Variants in TPTE2 observed in about 807,000 individuals in gnomAD.
TPTE2 encodes phosphatidylinositol 3,4,5-trisphosphate 3-phosphatase TPTE2.
Under a neutral mutation model 78.6 loss-of-function variants are expected in TPTE2, and 53 were observed. The observed-to-expected ratio is 0.67, with a 90% CI of 0.54 to 0.85. The LOEUF (loss-of-function observed/expected upper bound fraction) is 0.85, where lower values mean the gene tolerates loss of function less well. Ranked by LOEUF, TPTE2 falls within the 40% of genes least tolerant of loss-of-function variation. The probability of loss-of-function intolerance (pLI) is 0.00; values close to 1 mark genes in which losing one functional copy is unlikely to be tolerated. For missense variants in TPTE2, 461 were observed against 623.0 expected (o/e 0.74, Z 2.77); for synonymous variants, 175 against 206.2 (o/e 0.85, Z 1.30).
intron 1 of TPTE2, among the ~76,000 whole-genome samples, chr13:19,508,635 TAGA>T (rs1310700137): frequency 3.9e-5 from 6 of 151,974 alleles, no homozygotes; most frequent in African/African-American, 9.7e-5. Context: ...CAGAAAATAG[TAGA>T]AAAGAATAAA....
intron 14 of TPTE2, among the ~76,000 whole-genome samples, chr13:19,436,583 T>G (rs542859137): frequency 6.6e-6 from 1 of 152,264 alleles, no homozygotes; most frequent in Non-Finnish European, 1.5e-5. Flanking sequence ...CAGCTAATTT[T>G]TTGTATTTTT....
rs1880697617 is a variant in TPTE2 at position 19,486,943 on chromosome 13, G to A, written c.120-4396C>T. Among the ~76,000 whole-genome samples the A allele has an allele frequency of 6.6e-6, 1 of 152,142 alleles. No individual in the cohort carries two copies. Among genetic ancestry groups the A allele is most frequent in the Non-Finnish European group, 1.5e-5 (1 of 68,032 alleles). On this transcript the variant is annotated intron_variant, in intron 3 of 19. Coordinates refer to ENST00000400230, the Ensembl canonical transcript of TPTE2. The surrounding 1 kb of genome is among the most constrained non-coding windows in gnomAD (Gnocchi z 4.3). ...CCAGGATGTGGACACGAGGCTGCTC[G>A]GCTGGCCTAGGGGCATGTCTTCTGG...
chr13:19,544,450 C>T, the TPTE2 span, among the ~76,000 whole-genome samples: 14 of 150,662 alleles, frequency 9.3e-5, no homozygotes, highest in African/African-American at 2.9e-4. Flanking sequence ...GCACATATAA[C>T]GCAAAGGAAA....
chr13:19,441,018 T>G (rs1387526960), intron 13 of TPTE2, among the ~76,000 whole-genome samples: 1 of 150,396 alleles, frequency 6.6e-6, no homozygotes, highest in African/African-American at 2.5e-5. Context: ...ACCTGGGGGG[T>G]GGAGGTTGCA....
At chr13:19,531,280 G>T (rs1375390469) in intron 1 of TPTE2, among the ~76,000 whole-genome samples, 1 of 151,966 alleles carries the variant, frequency 6.6e-6, no homozygotes, top group African/African-American at 2.4e-5. Context: ...CCACATTTTG[G>T]CTATTGTGAC....
intron 1 of TPTE2, among the ~76,000 whole-genome samples, chr13:19,511,275 G>C (rs1764921536): frequency 6.6e-6 from 1 of 152,014 alleles, no homozygotes; most frequent in African/African-American, 2.4e-5. Flanking sequence ...AACAACAAAA[G>C]GTATGCACAA....
intron 10 of TPTE2, among the ~76,000 whole-genome samples, chr13:19,457,801 T>C (rs1878635936): frequency 1.3e-5 from 2 of 152,208 alleles, no homozygotes; most frequent in Non-Finnish European, 2.9e-5. Flanking sequence ...CTTTATTTGA[T>C]ATTACACATA....
chr13:19,489,478 T>C (rs976366918), intron 3 of TPTE2, among the ~76,000 whole-genome samples: 8 of 150,712 alleles, frequency 5.3e-5, no homozygotes, highest in African/African-American at 1.9e-4. Context: ...TACATATATG[T>C]TTACATATAT....
chr13:19,441,203 G>A (rs1238141032), intron 13 of TPTE2, among the ~76,000 whole-genome samples: 1 of 152,026 alleles, frequency 6.6e-6, no homozygotes, highest in Non-Finnish European at 1.5e-5. Context: ...ACTCATAAGT[G>A]AAAGCTAAAC....
chr13:19,560,893 C>T, the TPTE2 span: 3 of 1,579,276 alleles, frequency 1.9e-6, no homozygotes, highest in Non-Finnish European at 2.6e-6. Flanking sequence ...GCTTGGTGAT[C>T]TCACACTCGT....
At chr13:19,464,697 C>G (rs1327247662) in intron 9 of TPTE2, among the ~76,000 whole-genome samples, 177 bp from the exon 13 acceptor site, 1 of 152,214 alleles carries the variant, frequency 6.6e-6, no homozygotes, top group Non-Finnish European at 1.5e-5. Flanking sequence ...TTATCCAACA[C>G]AATGACCATT....
intron 6 of TPTE2, among the ~76,000 whole-genome samples, chr13:19,468,165 C>T (rs1338700668): frequency 1.5e-4 from 22 of 147,468 alleles, no homozygotes; most frequent in African/African-American, 5.2e-4. Flanking sequence ...CTCAGCCTCA[C>T]GAGTAGCTGG....
intron 19 of TPTE2, 81 bp from the exon 23 acceptor site, chr13:19,423,245 GAAGA>G (rs1241056052): frequency 2.8e-6 from 3 of 1,090,584 alleles, no homozygotes; most frequent in East Asian, 5.7e-5. Context: ...GTTAGAGCTG[GAAGA>G]AACAAAAAAA....
chr13:19,541,341 T>C (rs1402695624), upstream of TPTE2, among the ~76,000 whole-genome samples: 1 of 152,166 alleles, frequency 6.6e-6, no homozygotes, highest in African/African-American at 2.4e-5. Context: ...ACCTTAGCCA[T>C]ATTCTGTTGT....
chr13:19,443,400 T>TA, intron 13 of TPTE2, among the ~76,000 whole-genome samples: 1 of 147,832 alleles, frequency 6.8e-6, no homozygotes, highest in African/African-American at 2.4e-5. Flanking sequence ...TTTCTTTCTT[T>TA]TTTTTTTTTT....
At chr13:19,543,303 T>C in the TPTE2 span, among the ~76,000 whole-genome samples, 1 of 150,538 alleles carries the variant, frequency 6.6e-6, no homozygotes, top group Non-Finnish European at 1.5e-5. Flanking sequence ...TCTGCCTGCC[T>C]CAGCCTCCCA....
intron 1 of TPTE2, among the ~76,000 whole-genome samples, chr13:19,534,943 C>T (rs1871112944): frequency 6.6e-6 from 1 of 152,132 alleles, no homozygotes; most frequent in Non-Finnish European, 1.5e-5. Context: ...TGGCTCATGC[C>T]TGCAATCTCA....
chr13:19,460,974 A>G (rs1878852678), intron 10 of TPTE2, among the ~76,000 whole-genome samples: 1 of 152,198 alleles, frequency 6.6e-6, no homozygotes, highest in Admixed American at 6.5e-5. Context: ...ATGGTAGACT[A>G]TCAAAAACTG....
intron 15 of TPTE2, 76 bp from the exon 19 acceptor site, chr13:19,432,654 T>G (rs1201082105): frequency 9.1e-5 from 50 of 547,640 alleles, no homozygotes; most frequent in Non-Finnish European, 1.4e-4. Flanking sequence ...TTTTTTTTTT[T>G]GCATAAAGCT....
Sources: allele counts gnomAD v4.1 joint callset (sites outside exome capture counted in the v4.1 genomes callset), GRCh38; gene constraint gnomAD v4.1.1; non-coding constraint Gnocchi (gnomAD v3.1); transcripts MANE v1.5; gene names NCBI Gene and HGNC (gene_info 2026-07-23, HGNC 2026-07-21).